NAV2: variants seen among roughly 807,000 people sequenced by gnomAD.
NAV2 encodes neuron navigator 2.
Under a neutral mutation model 223.2 loss-of-function variants are expected in NAV2, and 54 were observed. That is an observed-to-expected ratio of 0.24 (90% CI 0.19 to 0.30). The LOEUF (loss-of-function observed/expected upper bound fraction) is 0.30. Ranked by LOEUF, NAV2 falls within the 10% of genes least tolerant of loss-of-function variation. The probability of loss-of-function intolerance (pLI) is 1.00; values close to 1 mark genes in which losing one functional copy is unlikely to be tolerated. For missense variants in NAV2, 2,806 were observed against 3,147.5 expected (o/e 0.89, Z 2.60); for synonymous variants, 1,279 against 1,239.3 (o/e 1.03, Z -0.67).
Position 20,045,310 on chromosome 11 carries a change from C to T in NAV2, c.3542C>T (p.Ala1181Val). Residue 1181 changes from alanine (A) to valine (V), a missense_variant, in exon 14 of 38, where the codon GCC becomes GTC. By Grantham distance (64) the Ala-to-Val change is moderately conservative. Transcript: ENST00000349880. ...GAQNQDDGYL[A>V]LSSRTNLQYR... ...CAGAATCAGGATGACGGGTATCTAG[C>T]CCTAAGCTCCCGGACAAACCTTCAG... The T allele has an allele frequency of 6.2e-7, 1 of 1,614,134 alleles. No homozygotes were observed. Among genetic ancestry groups the T allele is most frequent in the Admixed American group, 1.7e-5 (1 of 60,010 alleles).
At chr11:20,004,039 C>T (rs569453718) in intron 11 of NAV2, among the ~76,000 whole-genome samples, 2 of 152,178 alleles carry the variant, frequency 1.3e-5, no homozygotes, top group East Asian at 1.9e-4. Context: ...TGCATAAGCC[C>T]GTTCTCTTAA....
At chr11:19,609,815 A>T (rs531307567) in intron 1 of NAV2, among the ~76,000 whole-genome samples, 1 of 152,352 alleles carries the variant, frequency 6.6e-6, no homozygotes, top group Non-Finnish European at 1.5e-5. Context: ...AGGAAGGTAG[A>T]AAGAGTTGCT....
At chr11:20,035,510 GA>G (rs1342683659) in intron 11 of NAV2, among the ~76,000 whole-genome samples, 1 of 152,090 alleles carries the variant, frequency 6.6e-6, no homozygotes, top group Non-Finnish European at 1.5e-5. Context: ...TTCATTCCAG[GA>G]GTGAAGTCTG....
chr11:20,018,929 G>A (rs1057107153), intron 11 of NAV2, among the ~76,000 whole-genome samples: 4 of 152,182 alleles, frequency 2.6e-5, no homozygotes, highest in Admixed American at 6.5e-5. Flanking sequence ...GGCACAGTGC[G>A]AGGGCCTAGG....
chr11:19,808,462 T>C (rs2058689398), intron 1 of NAV2, among the ~76,000 whole-genome samples: 2 of 152,234 alleles, frequency 1.3e-5, no homozygotes, highest in South Asian at 4.1e-4. Flanking sequence ...ATGAAGCAGA[T>C]GGTCTGCACA....
chr11:20,093,038 G>A (rs2060973634), intron 28 of NAV2, 61 bp from the exon 29 acceptor site: 1 of 1,255,272 alleles, frequency 8.0e-7, no homozygotes. Context: ...CAGCGGGGGT[G>A]TCAGGAAGCT....
At chr11:19,548,133 C>G (rs10766566) in intron 1 of NAV2, among the ~76,000 whole-genome samples, 142,140 of 152,260 alleles carry the variant, frequency 0.93, 67,127 homozygotes, top group East Asian at 1. Context: ...AATGATGTCT[C>G]CTGCATGACA....
At chr11:19,371,766 GGTT>G (rs1326045156) in intron 1 of NAV2, among the ~76,000 whole-genome samples, 5 of 116,662 alleles carry the variant, frequency 4.3e-5, no homozygotes, top group Non-Finnish European at 6.6e-5. Flanking sequence ...TTCTGTATCA[GGTT>G]TTTTTTTTTT....
chr11:19,405,237 G>C (rs1218822999), intron 1 of NAV2, among the ~76,000 whole-genome samples: 2 of 152,162 alleles, frequency 1.3e-5, no homozygotes, highest in African/African-American at 4.8e-5. Flanking sequence ...TTCATGGATG[G>C]GGAGATCATG....
chr11:19,392,807 T>C (rs1849300937), intron 1 of NAV2, among the ~76,000 whole-genome samples: 1 of 152,208 alleles, frequency 6.6e-6, no homozygotes, highest in African/African-American at 2.4e-5. Context: ...TCAAGTGTGA[T>C]CTTGCAGTAA....
At chr11:19,417,797 AG>A (rs1227848777) in intron 1 of NAV2, among the ~76,000 whole-genome samples, 3 of 152,240 alleles carry the variant, frequency 2.0e-5, no homozygotes, top group Admixed American at 2.0e-4. Context: ...GCCATAAAAA[AG>A]GATGAGTTCA....
chr11:19,966,016 ACTT>A (rs1288822717), intron 10 of NAV2, among the ~76,000 whole-genome samples: 4 of 152,166 alleles, frequency 2.6e-5, no homozygotes, highest in Non-Finnish European at 4.4e-5. Context: ...GGATTGGCAA[ACTT>A]CTTACATGGA....
intron 1 of NAV2, among the ~76,000 whole-genome samples, chr11:19,687,560 C>T (rs1411412188): frequency 6.6e-6 from 1 of 152,092 alleles, no homozygotes; most frequent in Non-Finnish European, 1.5e-5. Flanking sequence ...TGAGAATATT[C>T]CCTGGAGCTA....
chr11:19,586,112 C>T (rs1180401558), intron 1 of NAV2, among the ~76,000 whole-genome samples: 2 of 152,180 alleles, frequency 1.3e-5, no homozygotes, highest in African/African-American at 2.4e-5. Flanking sequence ...CTTCTCTTCT[C>T]ACTTCATTTC....
chr11:19,672,546 G>A (rs1346269881), intron 1 of NAV2, among the ~76,000 whole-genome samples: 1 of 152,144 alleles, frequency 6.6e-6, no homozygotes, highest in South Asian at 2.1e-4. Flanking sequence ...GGTATCCTCA[G>A]GAGCCAGTGA....
chr11:19,824,256 G>T (rs1029343487), intron 1 of NAV2, among the ~76,000 whole-genome samples: 10 of 152,212 alleles, frequency 6.6e-5, no homozygotes, highest in African/African-American at 2.2e-4. Context: ...GGGTCACCTA[G>T]CTTATAAGGC....
At chr11:19,764,378 T>A (rs998891404) in intron 1 of NAV2, among the ~76,000 whole-genome samples, 3 of 152,236 alleles carry the variant, frequency 2.0e-5, no homozygotes, top group Admixed American at 6.5e-5. Flanking sequence ...TAGAAAACAA[T>A]TCCAGACAAC....
chr11:19,464,651 G>A (rs1353184043), intron 1 of NAV2, among the ~76,000 whole-genome samples: 2 of 152,304 alleles, frequency 1.3e-5, no homozygotes, highest in South Asian at 2.1e-4. Context: ...GGTTCATAGG[G>A]ATTTCAATCA....
intron 10 of NAV2, among the ~76,000 whole-genome samples, chr11:19,956,383 C>CACACACACACAT (rs2047873216): frequency 2.1e-5 from 2 of 96,846 alleles, no homozygotes; most frequent in African/African-American, 5.5e-5. Flanking sequence ...CACACACACA[C>CACACACACACAT]ACACACACAC....
Sources: gnomAD v4.1 joint callset for allele counts (sites outside exome capture counted in the v4.1 genomes callset) on GRCh38, gnomAD v4.1.1 for gene constraint, MANE v1.5 for transcripts, NCBI Gene and HGNC (gene_info 2026-07-23, HGNC 2026-07-21) for gene names.